The following AIG1 variants were observed in gnomAD, a reference collection of about 807,000 sequenced individuals.
AIG1 encodes androgen-induced gene 1 protein.
In AIG1, 23 loss-of-function variants were observed where a neutral mutation model predicts 31.4. The observed-to-expected ratio is 0.73, with a 90% CI of 0.53 to 1.04. The LOEUF is 1.04. AIG1 is among the 50% of genes least tolerant of loss of function. AIG1 has a pLI of 0.00. For synonymous variants in AIG1, 100 were observed against 110.5 expected (o/e 0.90, Z 0.60); for missense variants, 274 against 295.0 (o/e 0.93, Z 0.52).
At chr6:143,168,875 ATTATT>A (rs1342871729) in intron 3 of AIG1, among the ~76,000 whole-genome samples, 6 of 152,212 alleles carry the variant, frequency 3.9e-5, no homozygotes, top group Admixed American at 3.3e-4. Context: ...ATAAATTTTG[ATTATT>A]TTATTTTCAA....
At chr6:143,324,443 C>T (rs1210656114) in intron 4 of AIG1, among the ~76,000 whole-genome samples, 1 of 152,142 alleles carries the variant, frequency 6.6e-6, no homozygotes, top group East Asian at 1.9e-4. Flanking sequence ...ATACTTAGAT[C>T]ATTTTTTTGT....
intron 3 of AIG1, chr6:143,187,828 A>C: frequency 6.8e-7 from 1 of 1,466,638 alleles, no homozygotes; most frequent in South Asian, 1.4e-5. Context: ...ACGGGCCTTC[A>C]AGAAGTGCCA....
rs954120644 is a variant in AIG1, at chr6:143,327,162, A to G, written c.516-6120A>G. 1 of 156,966 alleles carries G rather than the reference A, an allele frequency of 6.4e-6. No individual in the cohort carries two copies. The highest frequency in any genetic ancestry group is 2.4e-5 in the African/African-American group (1 of 41,486). 9.7% of individuals were successfully genotyped at this position (156,966 alleles called of 1,614,324 possible). On this transcript the variant is annotated intron_variant, in intron 4 of 5. Transcript: ENST00000357847. This position sits in a 1 kb window ranked among gnomAD's most constrained non-coding sequence, Gnocchi z 5.3. ...TCTAACACAAATTAAGATGCTGGTG[A>G]TGCACATGGGAAAAATCAACATATT... is the stretch of plus-strand genomic sequence containing the variant.
intron 1 of AIG1, among the ~76,000 whole-genome samples, chr6:143,101,232 C>T (rs1780250164): frequency 6.6e-6 from 1 of 152,004 alleles, no homozygotes; most frequent in Non-Finnish European, 1.5e-5. Context: ...CATATAGTAG[C>T]ATCTCGGAGA....
chr6:143,226,247 T>TATA (rs59744309), intron 3 of AIG1, among the ~76,000 whole-genome samples: 27 of 87,590 alleles, frequency 3.1e-4, no homozygotes, highest in African/African-American at 4.4e-4. Context: ...TATATATATA[T>TATA]TTTTTTTTTT....
At chr6:143,060,451 G>A (rs1339031276), upstream of AIG1, 4 of 233,118 alleles carry the variant, frequency 1.7e-5, no homozygotes, top group South Asian at 3.2e-5. Context: ...GGACACTGGG[G>A]TCCACTCCTT....
intron 3 of AIG1, among the ~76,000 whole-genome samples, chr6:143,176,775 A>T (rs1325005086): frequency 2.0e-5 from 3 of 152,250 alleles, no homozygotes; most frequent in Admixed American, 6.5e-5. Flanking sequence ...AACTTGCCCC[A>T]GGCTACAAGC....
At chr6:143,109,923 T>C (rs1781126409) in intron 1 of AIG1, among the ~76,000 whole-genome samples, 1 of 152,238 alleles carries the variant, frequency 6.6e-6, no homozygotes, top group South Asian at 2.1e-4. Context: ...ATTGTTGTTT[T>C]TTGTCCTTTT....
chr6:143,336,830 G>C (rs1583913281), intron 5 of AIG1, among the ~76,000 whole-genome samples: 1 of 152,094 alleles, frequency 6.6e-6, no homozygotes, highest in Admixed American at 6.5e-5. Flanking sequence ...TGTGAACCTG[G>C]GAAACCAGAC....
chr6:143,076,030 T>TA (rs1222837889), intron 1 of AIG1, among the ~76,000 whole-genome samples: 1 of 152,222 alleles, frequency 6.6e-6, no homozygotes, highest in Non-Finnish European at 1.5e-5. Flanking sequence ...GCACTTGAAA[T>TA]ATGTATTTTG....
At chr6:143,311,534 A>G (rs965166460) in intron 4 of AIG1, among the ~76,000 whole-genome samples, 3 of 151,974 alleles carry the variant, frequency 2.0e-5, no homozygotes, top group African/African-American at 7.2e-5. Flanking sequence ...GTAATACACA[A>G]CATCAATAAG....
intron 2 of AIG1, among the ~76,000 whole-genome samples, chr6:143,150,614 G>A (rs1053494456): frequency 6.6e-6 from 1 of 152,060 alleles, no homozygotes; most frequent in African/African-American, 2.4e-5. Flanking sequence ...CTGTCCTATC[G>A]CAAGAAAATG....
chr6:143,125,300 A>G (rs1306246089), intron 1 of AIG1, among the ~76,000 whole-genome samples: 1 of 152,218 alleles, frequency 6.6e-6, no homozygotes, highest in African/African-American at 2.4e-5. Context: ...AAAAGGAGAT[A>G]CTGCTAAGTT....
intron 3 of AIG1, chr6:143,188,335 T>C (rs1789464805): frequency 5.1e-6 from 5 of 985,598 alleles, no homozygotes; most frequent in Non-Finnish European, 6.0e-6. Flanking sequence ...TCCATTTTAC[T>C]GAGCGATGTA....
intron 4 of AIG1, among the ~76,000 whole-genome samples, chr6:143,324,672 A>G (rs1776463718): frequency 6.6e-6 from 1 of 152,190 alleles, no homozygotes; most frequent in Non-Finnish European, 1.5e-5. Flanking sequence ...TGCTCATATA[A>G]AGCCTTTAGC....
chr6:143,192,511 A>G (rs1583469020), intron 3 of AIG1, among the ~76,000 whole-genome samples: 1 of 152,028 alleles, frequency 6.6e-6, no homozygotes, highest in East Asian at 1.9e-4. Context: ...AGGCTGATGC[A>G]GGGGAATCGC....
intron 3 of AIG1, among the ~76,000 whole-genome samples, chr6:143,175,424 T>C (rs1788051419): frequency 6.6e-6 from 1 of 152,252 alleles, no homozygotes; most frequent in African/African-American, 2.4e-5. Flanking sequence ...TTTCCCTTCT[T>C]CTTCAGGAAC....
In AIG1 at chr6:143,198,573, G is replaced by A. The variant is rs187845204; in HGVS notation, c.399+33390G>A. Among the ~76,000 whole-genome samples the A allele has an allele frequency of 7.2e-5, 11 of 152,286 alleles. No homozygotes were observed. In the East Asian group the frequency reaches 1.9e-3, roughly 27 times the overall value. ...AAATAACAGTCGTTTAAAATCGATGGTCTGGAGGTTGGCAGGCCAGTTCTT... is the reference window on the plus strand; with the variant it reads ...AAATAACAGTCGTTTAAAATCGATGATCTGGAGGTTGGCAGGCCAGTTCTT... On this transcript the variant is annotated intron_variant, in intron 3 of 5. Coordinates refer to ENST00000357847, the MANE Select transcript of AIG1 (RefSeq NM_016108.4).
intron 3 of AIG1, among the ~76,000 whole-genome samples, chr6:143,175,093 T>G (rs1788017203): frequency 6.6e-6 from 1 of 152,234 alleles, no homozygotes; most frequent in African/African-American, 2.4e-5. Flanking sequence ...TACAAAATTC[T>G]TGGCTGATAA....
Sources: allele counts gnomAD v4.1 joint callset (sites outside exome capture counted in the v4.1 genomes callset), GRCh38; gene constraint gnomAD v4.1.1; non-coding constraint Gnocchi (gnomAD v3.1); transcripts MANE v1.5; gene names NCBI Gene and HGNC (gene_info 2026-07-23, HGNC 2026-07-21).